The following BTBD3 variants were observed in gnomAD, a reference collection of about 807,000 sequenced individuals.
The protein encoded by BTBD3 is BTB/POZ domain-containing protein 3.
Under a neutral mutation model 41.6 loss-of-function variants are expected in BTBD3, and 14 were observed. The ratio of observed to expected loss-of-function variants is 0.34; its 90% CI spans 0.22 to 0.53. The LOEUF (loss-of-function observed/expected upper bound fraction) is 0.53, where lower values mean the gene tolerates loss of function less well. Ranked by LOEUF, BTBD3 falls within the 20% of genes least tolerant of loss-of-function variation. BTBD3 has a pLI of 0.95. For missense variants in BTBD3, 426 were observed against 654.7 expected (o/e 0.65, Z 3.81); for synonymous variants, 249 against 233.7 (o/e 1.07, Z -0.60).
intron 1 of BTBD3, among the ~76,000 whole-genome samples, chr20:11,904,705 A>G (rs1261585485): frequency 6.6e-6 from 1 of 152,230 alleles, no homozygotes; most frequent in Non-Finnish European, 1.5e-5. Flanking sequence ...ATTGAAGCAT[A>G]TGAAGAAAAT....
intron 3 of BTBD3, chr20:11,921,602 C>T (rs2056970499): frequency 6.6e-6 from 1 of 152,278 alleles, no homozygotes; most frequent in South Asian, 2.1e-4. Flanking sequence ...TATCAAGTGG[C>T]CTTGCCATCA....
chr20:11,891,749 A>T (rs2056755887), intron 1 of BTBD3, among the ~76,000 whole-genome samples: 1 of 152,172 alleles, frequency 6.6e-6, no homozygotes. Context: ...CCTATTTATC[A>T]AGCAACCCAT....
rs2057001265 is a variant in BTBD3 at position 11,924,434 on chromosome 20, TTAAAC to T, written c.*772_*776del. 6.6e-6 allele frequency: 1 copy of T among 152,350 alleles called. No individual in the cohort carries two copies. Among genetic ancestry groups the T allele is most frequent in the African/African-American group, 2.4e-5 (1 of 41,436 alleles). The allele number at this position is 152,350 out of a possible 1,614,324, so 9.4% of individuals were successfully genotyped here. On this transcript the variant is annotated 3_prime_UTR_variant, in exon 4 of 4. Coordinates refer to ENST00000378226, the MANE Select transcript of BTBD3 (RefSeq NM_014962.4). ...AGAAAAAAGTTAAACTCCTACTAAT[TTAAAC>T]TAAGACAGTTTAAAAAGGAAGCCTG...
rs1386588638 is a variant in BTBD3, at chr20:11,925,772, G to C, written c.*2106G>C. On this transcript the variant is annotated 3_prime_UTR_variant, in exon 4 of 4. Coordinates refer to ENST00000378226, the MANE Select transcript of BTBD3 (RefSeq NM_014962.4). Reference sequence around the variant, plus strand: ...GCATCCTATCAGATTGTTGAGGTGGGTGTGATAGTCTTCAGGTGCAGTGCG... The same window carrying C: ...GCATCCTATCAGATTGTTGAGGTGGCTGTGATAGTCTTCAGGTGCAGTGCG... The C allele has an allele frequency of 6.6e-6, 1 of 152,592 alleles. No individual in the cohort carries two copies. Among genetic ancestry groups the C allele is most frequent in the African/African-American group, 2.4e-5 (1 of 41,444 alleles). The allele number at this position is 152,592 out of a possible 1,614,324, so 9.5% of individuals were successfully genotyped here. A position where few individuals can be genotyped will look rare whatever the true frequency, so the allele number is the denominator to read the frequency against.
chr20:11,922,863 C>T lies in BTBD3; in HGVS notation c.766C>T (p.Leu256Phe). ...GATTGATGCCCAGGCTGAGTTAGCT[C>T]TCAAGTCTGAGGGATTCTGCGATAT... ...EVIDAQAELA[L>F]KSEGFCDIDF... Residue 256 changes from leucine (L) to phenylalanine (F), a missense_variant, in exon 4 of 4, where the codon CTC becomes TTC. Coordinates refer to ENST00000378226, the MANE Select transcript of BTBD3 (RefSeq NM_014962.4). 2 of 1,614,220 alleles carry T rather than the reference C, an allele frequency of 1.2e-6. No individual in the cohort carries two copies. Among genetic ancestry groups the T allele is most frequent in the Non-Finnish European group, 1.7e-6 (2 of 1,180,042 alleles).
intron 1 of BTBD3, among the ~76,000 whole-genome samples, chr20:11,901,464 GTC>G (rs1447390438): frequency 2.6e-5 from 4 of 152,208 alleles, no homozygotes; most frequent in Non-Finnish European, 4.4e-5. Flanking sequence ...GTCGCAGTCA[GTC>G]TCTCATGGTG....
chr20:11,892,539 A>G (rs572016834), intron 1 of BTBD3: 3 of 152,314 alleles, frequency 2.0e-5, no homozygotes, highest in Admixed American at 2.0e-4. Context: ...TCTTGGCCTC[A>G]GCAGGTAAGG....
chr20:11,906,213 T>C (rs1049895066), intron 1 of BTBD3, among the ~76,000 whole-genome samples: 7 of 149,172 alleles, frequency 4.7e-5, no homozygotes, highest in African/African-American at 1.7e-4. Flanking sequence ...AAAAATAAGT[T>C]ATTCCACTAC....
chr20:11,905,920 A>G (rs747628018), intron 1 of BTBD3, among the ~76,000 whole-genome samples: 2 of 152,190 alleles, frequency 1.3e-5, no homozygotes, highest in Non-Finnish European at 2.9e-5. Flanking sequence ...GCAAGTCAGA[A>G]CTGCTTAAAA....
At chr20:11,904,957 T>C (rs2056844924) in intron 1 of BTBD3, among the ~76,000 whole-genome samples, 1 of 152,238 alleles carries the variant, frequency 6.6e-6, no homozygotes, top group African/African-American at 2.4e-5. Context: ...ATTGCATTCT[T>C]ATTAGAAAAG....
upstream of BTBD3, among the ~76,000 whole-genome samples, chr20:11,914,376 A>C (rs2122269194): frequency 6.6e-6 from 1 of 152,328 alleles, no homozygotes; most frequent in South Asian, 2.1e-4. Flanking sequence ...TAACATTTTA[A>C]CCCTAACATT....
intron 1 of BTBD3, chr20:11,891,344 A>G: frequency 6.6e-6 from 1 of 151,824 alleles, no homozygotes; most frequent in Non-Finnish European, 1.5e-5. Context: ...GCGGAGGTCC[A>G]GGCAGGGGGC....
intron 1 of BTBD3, among the ~76,000 whole-genome samples, chr20:11,907,810 G>A (rs1600235252): frequency 6.6e-6 from 1 of 152,272 alleles, no homozygotes; most frequent in African/African-American, 2.4e-5. Context: ...GGTGAATGAA[G>A]AGGATGAGTC....
At chr20:11,903,169 T>C (rs1290018351) in intron 1 of BTBD3, among the ~76,000 whole-genome samples, 3 of 152,198 alleles carry the variant, frequency 2.0e-5, no homozygotes, top group Non-Finnish European at 4.4e-5. Context: ...TATAGGAAGA[T>C]TTCGATATTT....
Position 11,908,321 on chromosome 20 carries a change from G to GTTTTTTTTTTTTTTTTTTTTTTT in BTBD3, c.-125-9995_-125-9994insTTTTTTTTTTTTTTTTTTTTTTT, listed in dbSNP as rs3834758. Among the ~76,000 whole-genome samples, 4 of 77,070 alleles carry GTTTTTTTTTTTTTTTTTTTTTTT rather than the reference G, an allele frequency of 5.2e-5. 1 individual carries two copies. The highest frequency in any genetic ancestry group is 7.4e-5 in the Non-Finnish European group (3 of 40,280). 50.6% of individuals were successfully genotyped at this position (77,070 alleles called of 152,430 possible). A position where few individuals can be genotyped will look rare whatever the true frequency, so the allele number is the denominator to read the frequency against. On this transcript the variant is annotated intron_variant, in intron 1 of 4. Coordinates refer to the BTBD3 transcript ENST00000254977. Reference sequence around the variant, plus strand: ...ATGGTGGAGTGGTTGCTTCTCTGTGGTTTTTTTTTTTTTTTTTTAAATAAG... The same window carrying GTTTTTTTTTTTTTTTTTTTTTTT: ...ATGGTGGAGTGGTTGCTTCTCTGTGGTTTTTTTTTTTTTTTTTTTTTTTTTTTTTTTTTTTTTTTTTAAATAAG...
At chr20:11,912,534 A>G (rs1005196711) in intron 1 of BTBD3, among the ~76,000 whole-genome samples, 1 of 152,228 alleles carries the variant, frequency 6.6e-6, no homozygotes, top group African/African-American at 2.4e-5. Context: ...AAGCCTGCAG[A>G]TAGGATGAAA....
intron 1 of BTBD3, among the ~76,000 whole-genome samples, chr20:11,912,876 A>G (rs771729071): frequency 6.6e-6 from 1 of 152,172 alleles, no homozygotes; most frequent in Non-Finnish European, 1.5e-5. Flanking sequence ...GCTTGACTCC[A>G]TATTTATTTC....
chr20:11,922,998 G>A lies in BTBD3; in HGVS notation c.901G>A (p.Asp301Asn), dbSNP rs1388003337. The change falls in exon 4 of 4, where the codon GAT becomes AAT. Residue 301 changes from aspartate (D) to asparagine (N), a missense_variant. By Grantham distance (23) the Asp-to-Asn change is conservative. This residue lies in a region of BTBD3 where 321 missense variants were observed against 534.8 expected (regional missense o/e 0.60). Coordinates refer to ENST00000378226, the MANE Select transcript of BTBD3 (RefSeq NM_014962.4). ...GGCTGAAGTAGAATGCCAACGACAA[G>A]ATCTGGCGTTGAGCATTGAAAATAA... ...NWAEVECQRQDLALSIENKRK... is the reference protein window; with the variant it reads ...NWAEVECQRQNLALSIENKRK... 6 of 1,614,210 alleles carry A rather than the reference G, an allele frequency of 3.7e-6. No individual in the cohort carries two copies. Among genetic ancestry groups the A allele is most frequent in the Non-Finnish European group, 5.1e-6 (6 of 1,180,042 alleles).
chr20:11,890,944 G>A (rs902317503), exon 1 of BTBD3: 1 of 984,202 alleles, frequency 1.0e-6, no homozygotes, highest in African/African-American at 1.8e-5. Flanking sequence ...AGGCGAGGAG[G>A]AGCGCTGGCG....
Sources: gnomAD v4.1 joint callset for allele counts (sites outside exome capture counted in the v4.1 genomes callset) on GRCh38, gnomAD v4.1.1 for gene constraint, gnomAD v4.1.1 regional missense constraint, MANE v1.5 for transcripts, NCBI Gene and HGNC (gene_info 2026-07-23, HGNC 2026-07-21) for gene names.